Variants in MACROD2 observed in about 807,000 individuals in gnomAD.
MACROD2 encodes ADP-ribose glycohydrolase MACROD2.
A neutral mutation model predicts 70.4 loss-of-function variants in MACROD2; 36 were observed. The ratio of observed to expected loss-of-function variants is 0.51; its 90% CI spans 0.39 to 0.68. The LOEUF (loss-of-function observed/expected upper bound fraction) is 0.68. Among genes scored for constraint, MACROD2 ranks in the 30% least tolerant of loss-of-function variants. The pLI is 0.00. For synonymous variants in MACROD2, 172 were observed against 178.8 expected, an observed-to-expected ratio of 0.96 and a Z score of 0.30; for missense variants, 496 against 538.4, an observed-to-expected ratio of 0.92 and a Z score of 0.78.
At chr20:15,309,059 A>G (rs1392825754) in intron 6 of MACROD2, among the ~76,000 whole-genome samples, 1 of 152,182 alleles carries the variant, frequency 6.6e-6, no homozygotes, top group Non-Finnish European at 1.5e-5. Flanking sequence ...AAACTCGTCC[A>G]TATCTCTACA....
At chr20:14,955,225 A>G (rs1472001653) in intron 5 of MACROD2, among the ~76,000 whole-genome samples, 1 of 137,382 alleles carries the variant, frequency 7.3e-6, no homozygotes, top group African/African-American at 2.7e-5. Flanking sequence ...AATTTATATA[A>G]TATATAATTT....
intron 5 of MACROD2, among the ~76,000 whole-genome samples, chr20:15,168,403 G>A (rs1304336125): frequency 6.6e-6 from 1 of 150,646 alleles, no homozygotes; most frequent in African/African-American, 2.4e-5. Context: ...TTGCCGACAT[G>A]GTCAGCTAAA....
In MACROD2 at chr20:15,451,432, A is replaced by T. The variant is rs576299939; in HGVS notation, c.571+19997A>T. Among the ~76,000 whole-genome samples, 577 of 150,902 alleles carry T rather than the reference A, an allele frequency of 3.8e-3. 9 individuals are homozygous for T. Among genetic ancestry groups the T allele is most frequent in the Non-Finnish European group, 6.5e-3 (437 of 67,530 alleles). The stretch of plus-strand genomic sequence containing the variant: ...GGGTGGTAAATAAAAAAAAAAAAAA[A>T]AAAAAAAAAAAGAGTCACCTTTGGC... On this transcript the variant is annotated intron_variant, in intron 7 of 17. Transcript: ENST00000684519.
chr20:15,332,474 G>A (rs1390751683), intron 6 of MACROD2, among the ~76,000 whole-genome samples: 1 of 151,528 alleles, frequency 6.6e-6, no homozygotes, highest in East Asian at 1.9e-4. Context: ...TAATATATGT[G>A]ATGAATTAAT....
chr20:15,587,682 T>C (rs1412982310), intron 8 of MACROD2, among the ~76,000 whole-genome samples: 2 of 152,140 alleles, frequency 1.3e-5, no homozygotes, highest in African/African-American at 4.8e-5. Flanking sequence ...CCCATGCAAG[T>C]CTGAAATCCA....
At chr20:14,407,480 C>T (rs890311784) in intron 3 of MACROD2, among the ~76,000 whole-genome samples, 7 of 152,090 alleles carry the variant, frequency 4.6e-5, no homozygotes, top group Admixed American at 1.3e-4. Flanking sequence ...GGTCTGACTG[C>T]TAACATTGAT....
chr20:14,324,333 C>T (rs1291648460), intron 3 of MACROD2: 1 of 151,738 alleles, frequency 6.6e-6, no homozygotes, highest in African/African-American at 2.4e-5. Flanking sequence ...TATGGTTTTT[C>T]AACAAGTAAC....
intron 5 of MACROD2, among the ~76,000 whole-genome samples, chr20:15,119,287 A>G (rs1285833447): frequency 6.6e-6 from 1 of 152,098 alleles, no homozygotes; most frequent in African/African-American, 2.4e-5. Flanking sequence ...TCCTTGGGTT[A>G]AAGGTTTTTG....
intron 3 of MACROD2, among the ~76,000 whole-genome samples, chr20:14,330,537 C>T (rs147485330): frequency 1.7e-4 from 26 of 152,162 alleles, no homozygotes; most frequent in African/African-American, 6.3e-4. Flanking sequence ...TGGTTCTCTC[C>T]AAAAATTCAG....
At chr20:14,534,826 T>C (rs1456372366) in intron 4 of MACROD2, among the ~76,000 whole-genome samples, 1 of 151,598 alleles carries the variant, frequency 6.6e-6, no homozygotes, top group East Asian at 1.9e-4. Context: ...TTAAAATAAT[T>C]TCTTCATTTT....
chr20:14,578,779 C>T (rs1812010424), intron 4 of MACROD2, among the ~76,000 whole-genome samples: 1 of 152,142 alleles, frequency 6.6e-6, no homozygotes, highest in African/African-American at 2.4e-5. Flanking sequence ...AAGGTAAATT[C>T]ACCGAAACCT....
intron 3 of MACROD2, among the ~76,000 whole-genome samples, chr20:14,257,033 C>A (rs1363735693): frequency 6.6e-6 from 1 of 152,152 alleles, no homozygotes; most frequent in African/African-American, 2.4e-5. Flanking sequence ...GCCTCTCATG[C>A]ATACCAAAGA....
intron 15 of MACROD2, among the ~76,000 whole-genome samples, chr20:16,007,727 A>T (rs2066808256): frequency 6.6e-6 from 1 of 152,124 alleles, no homozygotes; most frequent in East Asian, 1.9e-4. Context: ...TAGGTGGAGC[A>T]AGGCCCTGAC....
intron 5 of MACROD2, among the ~76,000 whole-genome samples, chr20:14,803,950 G>A (rs745680771): frequency 3.3e-5 from 5 of 151,994 alleles, no homozygotes; most frequent in African/African-American, 4.8e-5. Flanking sequence ...AAAATGGAAC[G>A]TTTTTTGAGA....
chr20:15,409,574 C>T (rs2046049465), intron 6 of MACROD2, among the ~76,000 whole-genome samples: 1 of 152,212 alleles, frequency 6.6e-6, no homozygotes, highest in Non-Finnish European at 1.5e-5. Context: ...CAGAAGCAGA[C>T]AGTGAGACCA....
intron 5 of MACROD2, among the ~76,000 whole-genome samples, chr20:14,955,656 T>C (rs1487337872): frequency 1.3e-5 from 2 of 152,064 alleles, no homozygotes; most frequent in Non-Finnish European, 2.9e-5. Flanking sequence ...CCATTTTAAG[T>C]TTATTGCTTT....
At chr20:15,467,532 T>G (rs111405000) in intron 7 of MACROD2, among the ~76,000 whole-genome samples, 1,608 of 152,262 alleles carry the variant, frequency 0.011, 25 homozygotes, top group African/African-American at 0.036. Context: ...GAGGTTATTT[T>G]TTTCTCTCTC....
intron 4 of MACROD2, among the ~76,000 whole-genome samples, chr20:14,664,942 G>C (rs956614350): frequency 1.3e-5 from 2 of 152,104 alleles, no homozygotes; most frequent in East Asian, 1.9e-4. Context: ...TCTGAAGTTA[G>C]AGGGGTAACA....
At chr20:14,087,460 G>A (rs2054092001) in intron 3 of MACROD2, among the ~76,000 whole-genome samples, 1 of 151,840 alleles carries the variant, frequency 6.6e-6, no homozygotes, top group Non-Finnish European at 1.5e-5. Context: ...TGTAATCAAG[G>A]CTCAGTTTTC....
Sources: gnomAD v4.1 joint callset for allele counts (sites outside exome capture counted in the v4.1 genomes callset) on GRCh38, gnomAD v4.1.1 for gene constraint, MANE v1.5 for transcripts, NCBI Gene and HGNC (gene_info 2026-07-23, HGNC 2026-07-21) for gene names.